SEC22A: variants seen among roughly 807,000 people sequenced by gnomAD.
SEC22A encodes the protein vesicle-trafficking protein SEC22a.
A neutral mutation model predicts 35.3 loss-of-function variants in SEC22A; 22 were observed. That is an observed-to-expected ratio of 0.62 (90% CI 0.45 to 0.89). SEC22A has a LOEUF of 0.89. SEC22A is among the 40% of genes least tolerant of loss of function. The probability of loss-of-function intolerance (pLI) is 0.00; values close to 1 mark genes in which losing one functional copy is unlikely to be tolerated. For synonymous variants in SEC22A, 119 were observed against 129.5 expected (o/e 0.92, Z 0.55); for missense variants, 354 against 362.5 (o/e 0.98, Z 0.19).
intron 6 of SEC22A, among the ~76,000 whole-genome samples, chr3:123,262,882 T>A (rs902586213): frequency 3.3e-5 from 5 of 152,196 alleles, no homozygotes; most frequent in Admixed American, 3.3e-4. Context: ...AATTGTAGAT[T>A]TACGTGGAGT....
At chr3:123,265,965 A>G (rs1387207454) in intron 6 of SEC22A, among the ~76,000 whole-genome samples, 1 of 152,052 alleles carries the variant, frequency 6.6e-6, no homozygotes, top group Non-Finnish European at 1.5e-5. Context: ...TAAGTCATAA[A>G]TTTTCTTAGT....
chr3:123,231,977 G>T (rs1937333876), intron 4 of SEC22A, among the ~76,000 whole-genome samples: 1 of 152,164 alleles, frequency 6.6e-6, no homozygotes, highest in South Asian at 2.1e-4. Flanking sequence ...GGTGGCTCAT[G>T]CCTGCAACCC....
intron 2 of SEC22A, among the ~76,000 whole-genome samples, chr3:123,215,700 T>G (rs1344828510): frequency 6.6e-6 from 1 of 152,192 alleles, no homozygotes; most frequent in Non-Finnish European, 1.5e-5. Context: ...CCACAATCTT[T>G]TGGATTCAGG....
In SEC22A at chr3:123,271,774, T is replaced by C; in HGVS notation, c.*52T>C. On this transcript the variant is annotated 3_prime_UTR_variant, in exon 7 of 7. Coordinates refer to ENST00000492595, the MANE Select transcript of SEC22A (RefSeq NM_012430.5). ...GCTTCAGGGGGATAAGGAGGGAACA[T>C]ATCATAACTGCACTGTGATGAAGAA... 7.1e-7 allele frequency: 1 copy of C among 1,415,190 alleles called. No homozygotes were observed. Among genetic ancestry groups the C allele is most frequent in the Non-Finnish European group, 1.0e-6 (1 of 1,004,568 alleles). The allele number at this position is 1,415,190 out of a possible 1,614,324, so 87.7% of individuals were successfully genotyped here.
intron 2 of SEC22A, among the ~76,000 whole-genome samples, chr3:123,217,699 TATATC>T (rs1234210687): frequency 6.6e-6 from 1 of 152,222 alleles, no homozygotes; most frequent in Non-Finnish European, 1.5e-5. Flanking sequence ...ATACAAATAA[TATATC>T]AGTTCATAAA....
At chr3:123,250,112 A>C (rs922946762) in intron 5 of SEC22A, among the ~76,000 whole-genome samples, 1 of 152,296 alleles carries the variant, frequency 6.6e-6, no homozygotes, top group East Asian at 1.9e-4. Flanking sequence ...GACTTTCTCC[A>C]TAATAAGAAG....
At chr3:123,253,712 CAAAAAA>C (rs550562079) in intron 5 of SEC22A, among the ~76,000 whole-genome samples, 1 of 103,228 alleles carries the variant, frequency 9.7e-6, no homozygotes, top group Admixed American at 9.7e-5. Flanking sequence ...GACTCCATCT[CAAAAAA>C]AAAAAAAAAA....
intron 1 of SEC22A, chr3:123,208,833 C>T (rs904070355): frequency 1.3e-4 from 26 of 197,516 alleles, no homozygotes; most frequent in Admixed American, 4.3e-4. Flanking sequence ...CTCACTCTGT[C>T]GCCCAGGCTG....
chr3:123,257,051 C>T (rs1269523679), intron 5 of SEC22A, among the ~76,000 whole-genome samples: 2 of 151,896 alleles, frequency 1.3e-5, no homozygotes, highest in Non-Finnish European at 2.9e-5. Flanking sequence ...GAGCCACCGC[C>T]CTGGCTGGAC....
chr3:123,256,685 A>G (rs1252491257), intron 5 of SEC22A, among the ~76,000 whole-genome samples: 2 of 150,266 alleles, frequency 1.3e-5, no homozygotes, highest in African/African-American at 4.9e-5. Context: ...GGTGGTAATT[A>G]TTGACTTACG....
chr3:123,235,390 G>A (rs761480678), intron 4 of SEC22A, among the ~76,000 whole-genome samples: 1 of 152,080 alleles, frequency 6.6e-6, no homozygotes, highest in Non-Finnish European at 1.5e-5. Context: ...AGGCATTTTT[G>A]CAAAGAAGTT....
chr3:123,250,541 C>T (rs966192154), intron 5 of SEC22A, among the ~76,000 whole-genome samples: 3 of 152,188 alleles, frequency 2.0e-5, no homozygotes, highest in Non-Finnish European at 4.4e-5. Context: ...TGTGCCCAGC[C>T]CACTCTTAGG....
In SEC22A at chr3:123,209,412, T is replaced by C. The variant is rs773395958; in HGVS notation, c.182+13T>C. On this transcript the variant is annotated intron_variant, in intron 2 of 6. Coordinates refer to ENST00000492595, the MANE Select transcript of SEC22A (RefSeq NM_012430.5). ...ATTATAACATTAAGTAAGACTTCAG[T>C]TTGCTTCATTTGACTCATTTGCCCA... 3 of 1,594,254 alleles carry C rather than the reference T, an allele frequency of 1.9e-6. No homozygotes were observed. The highest frequency in any genetic ancestry group is 4.5e-5 in the East Asian group (2 of 44,460).
chr3:123,230,365 A>G (rs1937299523), intron 4 of SEC22A, among the ~76,000 whole-genome samples: 1 of 152,234 alleles, frequency 6.6e-6, no homozygotes, highest in South Asian at 2.1e-4. Flanking sequence ...GAAGGAAGCC[A>G]GAAAGATAAG....
At chr3:123,246,062 A>T in intron 5 of SEC22A, 48 bp downstream of exon 5, 1 of 890,578 alleles carries the variant, frequency 1.1e-6, no homozygotes, top group Non-Finnish European at 1.9e-6. Context: ...TCTTCATTCT[A>T]CTGGTTACAT....
chr3:123,271,614 A>T lies in SEC22A; in HGVS notation c.816A>T (p.Glu272Asp). 1 of 1,614,164 alleles carries T rather than the reference A, an allele frequency of 6.2e-7. No homozygotes were observed. The part of the protein sequence containing the change: ...LICLCNMYLY[E>D]LRNLWQLFFH... ...GTCTATGCAACATGTATCTCTATGAACTGCGCAACCTCTGGCAGCTTTTCT... is the reference window on the plus strand; with the variant it reads ...GTCTATGCAACATGTATCTCTATGATCTGCGCAACCTCTGGCAGCTTTTCT... Residue 272 changes from glutamate (E) to aspartate (D), a missense_variant, in exon 7 of 7, where the codon GAA becomes GAT. Transcript: ENST00000492595.
chr3:123,262,827 T>C (rs1937923292), intron 6 of SEC22A, among the ~76,000 whole-genome samples: 1 of 152,238 alleles, frequency 6.6e-6, no homozygotes, highest in South Asian at 2.1e-4. Flanking sequence ...TTTAGACATA[T>C]GTGTATGGGT....
chr3:123,212,622 C>T (rs1247979270), intron 2 of SEC22A, among the ~76,000 whole-genome samples: 2 of 151,510 alleles, frequency 1.3e-5, no homozygotes, highest in African/African-American at 4.9e-5. Flanking sequence ...TTTTAACATC[C>T]CTTCATTCTA....
chr3:123,245,895 C>T lies in SEC22A; in HGVS notation c.542-4C>T. The stretch of plus-strand genomic sequence containing the variant: ...CATTTCTAACTATTTCTTTTATTTT[C>T]CAGCTCACCAGCGACTGGAACCAGC... On this transcript the variant is annotated splice_region_variant and splice_polypyrimidine_tract_variant and intron_variant, in intron 4 of 6. Transcript: ENST00000492595. The T allele has an allele frequency of 1.3e-6, 2 of 1,539,966 alleles. No homozygotes were observed. The highest frequency in any genetic ancestry group is 1.8e-6 in the Non-Finnish European group (2 of 1,116,138).
Sources: gnomAD v4.1 joint callset for allele counts (sites outside exome capture counted in the v4.1 genomes callset) on GRCh38, gnomAD v4.1.1 for gene constraint, MANE v1.5 for transcripts, NCBI Gene and HGNC (gene_info 2026-07-23, HGNC 2026-07-21) for gene names.